MCTP1: variants seen among roughly 807,000 people sequenced by gnomAD.
MCTP1 encodes the protein multiple C2 and transmembrane domain-containing protein 1.
MCTP1 carries 69 observed loss-of-function variants against 120.6 expected under a neutral mutation model. The observed-to-expected ratio is 0.57, with a 90% confidence interval of 0.47 to 0.70. The LOEUF (loss-of-function observed/expected upper bound fraction) is 0.70, where lower values mean the gene tolerates loss of function less well. MCTP1 is among the 30% of genes least tolerant of loss of function. The pLI, the probability that MCTP1 is intolerant of heterozygous loss-of-function variation, is 0.00. For missense variants in MCTP1, 1,203 were observed against 1,248.8 expected, an observed-to-expected ratio of 0.96 and a Z score of 0.55; for synonymous variants, 529 against 493.1, an observed-to-expected ratio of 1.07 and a Z score of -0.96.
intron 19 of MCTP1, among the ~76,000 whole-genome samples, chr5:94,777,927 C>CGCGTGT (rs112194344): frequency 2.0e-5 from 3 of 148,850 alleles, no homozygotes; most frequent in African/African-American, 7.5e-5. Context: ...AGAAAGTGTG[C>CGCGTGT]GTGTGTGTGT....
At chr5:95,208,388 G>A (rs1751922573) in intron 1 of MCTP1, among the ~76,000 whole-genome samples, 1 of 152,106 alleles carries the variant, frequency 6.6e-6, no homozygotes, top group African/African-American at 2.4e-5. Flanking sequence ...ACCACACCCA[G>A]CCAACTGCCA....
At chr5:94,712,532 G>T (rs971134188) in intron 20 of MCTP1, among the ~76,000 whole-genome samples, 3 of 151,898 alleles carry the variant, frequency 2.0e-5, no homozygotes, top group Non-Finnish European at 4.4e-5. Context: ...TACCTTTGTG[G>T]CATGTAGCTT....
intron 18 of MCTP1, among the ~76,000 whole-genome samples, chr5:94,788,197 G>A (rs1778163080): frequency 6.6e-6 from 1 of 152,166 alleles, no homozygotes; most frequent in South Asian, 2.1e-4. Context: ...GAGTATACTA[G>A]TTTCTTTTTG....
intron 17 of MCTP1, among the ~76,000 whole-genome samples, chr5:94,847,079 T>C (rs1421674164): frequency 1.3e-5 from 2 of 152,214 alleles, no homozygotes; most frequent in African/African-American, 4.8e-5. Flanking sequence ...TGCGAACCTA[T>C]GTGTTAGACC....
intron 3 of MCTP1, among the ~76,000 whole-genome samples, chr5:94,948,468 TG>T (rs111359019): frequency 9.8e-5 from 15 of 152,302 alleles, no homozygotes; most frequent in African/African-American, 2.9e-4. Flanking sequence ...TGATTTTTTT[TG>T]GGTCCAAAAT....
At chr5:94,911,926 C>T (rs1489569828) in intron 9 of MCTP1, among the ~76,000 whole-genome samples, 3 of 152,028 alleles carry the variant, frequency 2.0e-5, no homozygotes, top group African/African-American at 7.2e-5. Flanking sequence ...AAATGCGTAA[C>T]ATATATTCAT....
chr5:94,780,248 T>C (rs1776279788), intron 18 of MCTP1, among the ~76,000 whole-genome samples: 2 of 110,762 alleles, frequency 1.8e-5, no homozygotes, highest in Admixed American at 1.0e-4. Context: ...CAGAGACACC[T>C]AGCCCTCCTT....
At chr5:94,776,660 G>A (rs1445855099) in intron 19 of MCTP1, among the ~76,000 whole-genome samples, 4 of 152,136 alleles carry the variant, frequency 2.6e-5, no homozygotes, top group Non-Finnish European at 5.9e-5. Context: ...TATACCATAT[G>A]AGAAAACAGA....
intron 1 of MCTP1, among the ~76,000 whole-genome samples, chr5:95,049,376 T>C (rs1745332639): frequency 6.6e-6 from 1 of 152,106 alleles, no homozygotes; most frequent in South Asian, 2.1e-4. Context: ...GCAAAGTTTG[T>C]TCAAGCAGAT....
At chr5:94,842,367 T>C (rs1312130271) in intron 17 of MCTP1, among the ~76,000 whole-genome samples, 1 of 152,212 alleles carries the variant, frequency 6.6e-6, no homozygotes, top group Non-Finnish European at 1.5e-5. Context: ...ATACTGGGTC[T>C]ATAGATTGTG....
chr5:94,744,129 C>G (rs1348758900), intron 19 of MCTP1, among the ~76,000 whole-genome samples: 1 of 152,078 alleles, frequency 6.6e-6, no homozygotes, highest in Non-Finnish European at 1.5e-5. Flanking sequence ...CGCCACCACA[C>G]CCAGCTAATG....
rs566494010 is a variant in MCTP1 at position 94,939,808 on chromosome 5, G to A, written c.1173+276C>T. On this transcript the variant is annotated intron_variant, in intron 5 of 22. Transcript: ENST00000515393. ...ATTTCCCAAATGAATACTAATATTTGCCTATAATATAGCATGTCTGAAATT... is the reference window on the plus strand; with the variant it reads ...ATTTCCCAAATGAATACTAATATTTACCTATAATATAGCATGTCTGAAATT... Among the ~76,000 whole-genome samples the A allele has an allele frequency of 2.0e-5, 3 of 151,980 alleles. No individual in the cohort carries two copies. In the East Asian group the frequency reaches 5.8e-4, roughly 29 times the overall value.
intron 17 of MCTP1, among the ~76,000 whole-genome samples, chr5:94,835,928 C>T (rs1390373590): frequency 5.3e-5 from 8 of 152,072 alleles, no homozygotes; most frequent in African/African-American, 9.7e-5. Flanking sequence ...GGTGTGAACC[C>T]GGGAGGCAGA....
intron 1 of MCTP1, among the ~76,000 whole-genome samples, chr5:95,022,283 T>C (rs944805003): frequency 2.0e-5 from 3 of 152,196 alleles, no homozygotes; most frequent in African/African-American, 4.8e-5. Context: ...AACTGAGCCT[T>C]CACTTCTCTT....
At chr5:95,275,253 T>G (rs1189268740) in intron 1 of MCTP1, among the ~76,000 whole-genome samples, 1 of 152,240 alleles carries the variant, frequency 6.6e-6, no homozygotes, top group Non-Finnish European at 1.5e-5. Context: ...AAAAATATAT[T>G]ATTTATTTGA....
At chr5:94,949,970 T>C (rs956086526) in intron 3 of MCTP1, among the ~76,000 whole-genome samples, 3 of 152,068 alleles carry the variant, frequency 2.0e-5, no homozygotes, top group African/African-American at 7.2e-5. Context: ...CAAGGTACCT[T>C]ATTTGATTCT....
chr5:95,215,034 C>A (rs1752881350), intron 1 of MCTP1, among the ~76,000 whole-genome samples: 1 of 152,106 alleles, frequency 6.6e-6, no homozygotes, highest in Non-Finnish European at 1.5e-5. Context: ...TTGTCTCAAA[C>A]ATCTCAGATC....
intron 13 of MCTP1, among the ~76,000 whole-genome samples, chr5:94,872,104 T>C (rs1181762700): frequency 6.6e-6 from 1 of 152,128 alleles, no homozygotes; most frequent in Non-Finnish European, 1.5e-5. Context: ...GTGCAAATTG[T>C]TGACAGCATT....
At chr5:95,071,515 A>G (rs1223499260) in intron 1 of MCTP1, among the ~76,000 whole-genome samples, 2 of 152,148 alleles carry the variant, frequency 1.3e-5, no homozygotes, top group Non-Finnish European at 2.9e-5. Flanking sequence ...TCTCTATATA[A>G]TATTCTACTT....
Sources: gnomAD v4.1 joint callset for allele counts (sites outside exome capture counted in the v4.1 genomes callset) on GRCh38, gnomAD v4.1.1 for gene constraint, MANE v1.5 for transcripts, NCBI Gene and HGNC (gene_info 2026-07-23, HGNC 2026-07-21) for gene names.